Variants in STXBP5L observed in about 807,000 individuals in gnomAD.
STXBP5L encodes syntaxin binding protein 5L.
Under a neutral mutation model 144.5 loss-of-function variants are expected in STXBP5L, and 65 were observed. That is an observed-to-expected ratio of 0.45 (90% CI 0.37 to 0.55). The LOEUF is 0.55. Ranked by LOEUF, STXBP5L falls within the 20% of genes least tolerant of loss-of-function variation. The pLI is 0.00. For missense variants in STXBP5L, 1,298 were observed against 1,405.5 expected (o/e 0.92, Z 1.22); for synonymous variants, 505 against 469.6 (o/e 1.08, Z -0.97).
Position 121,415,940 on chromosome 3 carries a change from C to A in STXBP5L, c.3198C>A (p.Ser1066Arg). ...TTCTCAAGGGACTGTTTGGTGGAAG[C>A]GGACAAACATTTGACAGAGAAGAGC... The part of the protein sequence containing the change: ...RGFLKGLFGG[S>R]GQTFDREELF... The change falls in exon 25 of 27, where the codon AGC becomes AGA. Residue 1066 changes from serine (S) to arginine (R), a missense_variant. Transcript: ENST00000471454. The A allele has an allele frequency of 6.2e-7, 1 of 1,612,614 alleles. No individual in the cohort carries two copies. The highest frequency in any genetic ancestry group is 8.5e-7 in the Non-Finnish European group (1 of 1,179,064).
In STXBP5L at chr3:121,085,130, G is replaced by A. The variant is rs142422004; in HGVS notation, c.471-29795G>A. On this transcript the variant is annotated intron_variant, in intron 5 of 26. Coordinates refer to ENST00000471454, the MANE Select transcript of STXBP5L (RefSeq NM_001308330.2). ...TCTGGATATTAGACCTTTGTCAGAT[G>A]GATAAATTGCAAAAATTTTCTCCCA... 4.2e-3 allele frequency among the ~76,000 whole-genome samples: 633 copies of A among 152,110 alleles called. 4 individuals are homozygous for A. The highest frequency in any genetic ancestry group is 0.014 in the Middle Eastern group (4 of 294).
chr3:121,353,918 T>G (rs1488934125), intron 20 of STXBP5L, among the ~76,000 whole-genome samples: 1 of 152,204 alleles, frequency 6.6e-6, no homozygotes, highest in Non-Finnish European at 1.5e-5. Flanking sequence ...CATCTTTATT[T>G]CTGCCTTCAA....
At chr3:121,333,491 C>A (rs2044397135) in intron 20 of STXBP5L, among the ~76,000 whole-genome samples, 1 of 151,008 alleles carries the variant, frequency 6.6e-6, no homozygotes, top group Admixed American at 6.6e-5. Context: ...GCAAACCAAC[C>A]CCAAAGCAGA....
At chr3:121,218,856 A>C (rs914170441) in intron 10 of STXBP5L, among the ~76,000 whole-genome samples, 1 of 152,176 alleles carries the variant, frequency 6.6e-6, no homozygotes, top group South Asian at 2.1e-4. Context: ...TTCCTTATCA[A>C]CAATACCTGT....
At chr3:121,243,062 AACTCATGGCTTCACCTTT>A (rs1471896037) in intron 14 of STXBP5L, among the ~76,000 whole-genome samples, 1 of 152,160 alleles carries the variant, frequency 6.6e-6, no homozygotes, top group African/African-American at 2.4e-5. Context: ...GGAAAAGTGC[AACTCATGGCTTCACCTTT>A]ACTCATGGCT....
rs6802170 is a variant in STXBP5L, at chr3:120,995,477, T to G, written c.287+40440T>G. On this transcript the variant is annotated intron_variant, in intron 3 of 26. Coordinates refer to ENST00000471454, the MANE Select transcript of STXBP5L (RefSeq NM_001308330.2). ...CCTGTTTTTCTTGTTCTTCTGTTTC[T>G]CTTTTCTTACCTTCTTGTGCATTAA... 7.1e-3 allele frequency among the ~76,000 whole-genome samples: 1,085 copies of G among 152,268 alleles called. 7 individuals carry two copies. Among genetic ancestry groups the G allele is most frequent in the Non-Finnish European group, 0.012 (803 of 68,018 alleles).
intron 3 of STXBP5L, among the ~76,000 whole-genome samples, chr3:120,972,223 T>C (rs896935107): frequency 1.3e-5 from 2 of 152,082 alleles, no homozygotes; most frequent in Non-Finnish European, 2.9e-5. Flanking sequence ...TGTTTTTCCA[T>C]TATTTGTGTC....
At chr3:120,961,584 C>T (rs1156852285) in intron 3 of STXBP5L, among the ~76,000 whole-genome samples, 1 of 152,162 alleles carries the variant, frequency 6.6e-6, no homozygotes, top group Non-Finnish European at 1.5e-5. Flanking sequence ...TCATCCATGT[C>T]CCTGCGAAGG....
intron 2 of STXBP5L, among the ~76,000 whole-genome samples, chr3:120,935,478 A>G (rs1710215018): frequency 1.3e-5 from 2 of 151,654 alleles, no homozygotes; most frequent in Non-Finnish European, 2.9e-5. Flanking sequence ...CTTTCTTTGT[A>G]TAGATCTACG....
At chr3:121,315,283 C>T (rs1479357953) in intron 19 of STXBP5L, among the ~76,000 whole-genome samples, 5 of 152,070 alleles carry the variant, frequency 3.3e-5, no homozygotes, top group Non-Finnish European at 7.4e-5. Context: ...GGCACATATA[C>T]ACCATGGAAT....
chr3:120,941,020 ACTTTT>A (rs528780585), intron 2 of STXBP5L, among the ~76,000 whole-genome samples: 151 of 151,906 alleles, frequency 9.9e-4, no homozygotes, highest in Admixed American at 3.4e-3. Context: ...TTGAAAGGAC[ACTTTT>A]CTTTTAAGTT....
intron 5 of STXBP5L, among the ~76,000 whole-genome samples, chr3:121,082,121 T>C (rs1397791006): frequency 6.6e-6 from 1 of 152,180 alleles, no homozygotes; most frequent in Non-Finnish European, 1.5e-5. Flanking sequence ...CTACCTAAAT[T>C]TTAGAATAAG....
intron 20 of STXBP5L, among the ~76,000 whole-genome samples, chr3:121,326,249 T>C (rs1282207349): frequency 1.3e-5 from 2 of 152,006 alleles, no homozygotes; most frequent in Admixed American, 1.3e-4. Flanking sequence ...CCCAGTTGTA[T>C]CTTAACCACA....
chr3:120,952,563 G>T (rs1341873782), intron 2 of STXBP5L, among the ~76,000 whole-genome samples: 1 of 151,686 alleles, frequency 6.6e-6, no homozygotes, highest in Non-Finnish European at 1.5e-5. Context: ...ATAGCCTAAT[G>T]GTAAAGCACT....
intron 20 of STXBP5L, among the ~76,000 whole-genome samples, chr3:121,323,705 A>C (rs2044051913): frequency 6.6e-6 from 1 of 152,122 alleles, no homozygotes; most frequent in Non-Finnish European, 1.5e-5. Context: ...AATAAACATT[A>C]AACTTTAATT....
Position 121,356,067 on chromosome 3 carries a change from C to T in STXBP5L, c.2177-22649C>T, listed in dbSNP as rs115447249. Among the ~76,000 whole-genome samples, 1,269 of 152,332 alleles carry T rather than the reference C, an allele frequency of 8.3e-3. 17 individuals carry two copies. Among genetic ancestry groups the T allele is most frequent in the African/African-American group, 0.028 (1,146 of 41,576 alleles). The stretch of plus-strand genomic sequence containing the variant: ...TGCCTAATCCTTCCTCTGGAAGCTT[C>T]GCCCCACAGGGGCACCCACTTATCT... On this transcript the variant is annotated intron_variant, in intron 20 of 26. Transcript: ENST00000471454.
At chr3:121,359,408 T>C (rs372407224) in intron 20 of STXBP5L, among the ~76,000 whole-genome samples, 6 of 152,272 alleles carry the variant, frequency 3.9e-5, no homozygotes, top group African/African-American at 1.2e-4. Flanking sequence ...CTGTGGTTTG[T>C]TTCTTCACTT....
At chr3:121,336,797 T>A (rs1411690076) in intron 20 of STXBP5L, among the ~76,000 whole-genome samples, 1 of 152,148 alleles carries the variant, frequency 6.6e-6, no homozygotes, top group Non-Finnish European at 1.5e-5. Context: ...TAAAAACACA[T>A]GCACGTGTGT....
At position 121,258,915 on chromosome 3, in the gene STXBP5L, C is replaced by A. The variant is rs991543484; in HGVS notation, c.1833-128C>A. 5 of 811,534 alleles carry A rather than the reference C, an allele frequency of 6.2e-6. No individual in the cohort carries two copies. In the African/African-American group the frequency reaches 7.1e-5, roughly 12 times the overall value. The allele number at this position is 811,534 out of a possible 1,614,324, so 50.3% of individuals were successfully genotyped here. ...TTTTGAGAAAACTAGAAGGCACCAT[C>A]CATCTGCATGCTGCCTGCAATGCCT... On this transcript the variant is annotated intron_variant, in intron 17 of 26. Transcript: ENST00000471454.
Sources: allele counts gnomAD v4.1 joint callset (sites outside exome capture counted in the v4.1 genomes callset), GRCh38; gene constraint gnomAD v4.1.1; transcripts MANE v1.5; gene names NCBI Gene and HGNC (gene_info 2026-07-23, HGNC 2026-07-21).